MRTFA: variants seen among roughly 807,000 people sequenced by gnomAD.
MRTFA encodes myocardin-related transcription factor A.
In MRTFA, 20 loss-of-function variants were observed where a neutral mutation model predicts 83.5. The ratio of observed to expected loss-of-function variants is 0.24; its 90% CI spans 0.17 to 0.35. The LOEUF (loss-of-function observed/expected upper bound fraction) is 0.35, where lower values mean the gene tolerates loss of function less well. Among genes scored for constraint, MRTFA ranks in the 10% least tolerant of loss-of-function variants. The probability of loss-of-function intolerance (pLI) is 1.00; values close to 1 mark genes in which losing one functional copy is unlikely to be tolerated. For synonymous variants in MRTFA, 659 were observed against 541.2 expected, an observed-to-expected ratio of 1.22 and a Z score of -3.02; for missense variants, 1,200 against 1,224.7, an observed-to-expected ratio of 0.98 and a Z score of 0.30.
chr22:40,485,895 C>T (rs2054167142), intron 3 of MRTFA, among the ~76,000 whole-genome samples: 1 of 152,194 alleles, frequency 6.6e-6, no homozygotes, highest in Non-Finnish European at 1.5e-5. Flanking sequence ...TCTCCCTCAA[C>T]TGGGAAGGAC....
chr22:40,608,311 C>T (rs1021884501), intron 1 of MRTFA, among the ~76,000 whole-genome samples: 6 of 152,150 alleles, frequency 3.9e-5, no homozygotes, highest in Admixed American at 1.3e-4. Flanking sequence ...CCACCATGCC[C>T]GGCCTGTCAT....
chr22:40,525,633 A>C (rs1181764854), intron 3 of MRTFA, among the ~76,000 whole-genome samples: 1 of 152,248 alleles, frequency 6.6e-6, no homozygotes, highest in Non-Finnish European at 1.5e-5. Context: ...AAAATGTTTC[A>C]AGGACACCTA....
intron 14 of MRTFA, among the ~76,000 whole-genome samples, chr22:40,413,463 CT>C (rs1420074507): frequency 6.6e-6 from 1 of 151,978 alleles, no homozygotes; most frequent in Non-Finnish European, 1.5e-5. Context: ...CCTCACCCTC[CT>C]GAGATTACAG....
chr22:40,447,334 C>G lies in MRTFA; in HGVS notation c.308-11780G>C, dbSNP rs187018490. On this transcript the variant is annotated intron_variant, in intron 4 of 14. Coordinates refer to ENST00000355630, the MANE Select transcript of MRTFA (RefSeq NM_020831.6). ...AGCCACTGCTCTCCAGCCTAAGTAA[C>G]AGAGTCTTTGTTTCAAAAAAAAAAA... Among the ~76,000 whole-genome samples, 13 of 146,118 alleles carry G rather than the reference C, an allele frequency of 8.9e-5. No homozygotes were observed. In the East Asian group the frequency reaches 2.4e-3, roughly 27 times the overall value.
intron 3 of MRTFA, among the ~76,000 whole-genome samples, chr22:40,518,399 T>C (rs578008709): frequency 9.5e-5 from 14 of 147,880 alleles, no homozygotes; most frequent in South Asian, 6.5e-4. Flanking sequence ...GGTGACCAGA[T>C]GGTTGGAGAA....
intron 2 of MRTFA, among the ~76,000 whole-genome samples, chr22:40,559,469 G>C (rs1490275996): frequency 1.3e-5 from 2 of 152,116 alleles, no homozygotes; most frequent in Non-Finnish European, 2.9e-5. Context: ...ATCCAAGCTA[G>C]AGTGCAATGG....
At chr22:40,614,234 A>T (rs541477496) in intron 1 of MRTFA, among the ~76,000 whole-genome samples, 49 of 150,434 alleles carry the variant, frequency 3.3e-4, no homozygotes, top group East Asian at 8.1e-4. Flanking sequence ...AATAAATAAA[A>T]AATAAAAAAA....
intron 1 of MRTFA, among the ~76,000 whole-genome samples, chr22:40,608,975 C>G (rs1355089399): frequency 1.3e-5 from 2 of 152,008 alleles, no homozygotes; most frequent in African/African-American, 4.8e-5. Context: ...AAACTGGAAC[C>G]CTTTACGTTG....
intron 1 of MRTFA, among the ~76,000 whole-genome samples, chr22:40,629,104 T>C (rs1393855092): frequency 6.6e-6 from 1 of 151,512 alleles, no homozygotes; most frequent in Non-Finnish European, 1.5e-5. Flanking sequence ...GTCTAGGCAA[T>C]ATAGCAAGAC....
intron 12 of MRTFA, 40 bp from the exon 13 acceptor site, chr22:40,417,533 C>A: frequency 8.4e-7 from 1 of 1,186,474 alleles, no homozygotes; most frequent in South Asian, 1.9e-5. Context: ...GGCCAGGGGG[C>A]TGGGGGTGCA....
intron 1 of MRTFA, among the ~76,000 whole-genome samples, chr22:40,634,540 T>A (rs2056674431): frequency 1.3e-5 from 2 of 152,194 alleles, no homozygotes; most frequent in Non-Finnish European, 2.9e-5. Context: ...GAAGTCTGGA[T>A]TTAGAGTGTA....
chr22:40,438,770 T>C (rs1209903337), intron 4 of MRTFA, among the ~76,000 whole-genome samples: 1 of 151,456 alleles, frequency 6.6e-6, no homozygotes, highest in Non-Finnish European at 1.5e-5. Context: ...GTCACATGTA[T>C]AGAAAAAAAA....
At chr22:40,624,882 A>G (rs1264702974) in intron 1 of MRTFA, among the ~76,000 whole-genome samples, 1 of 152,188 alleles carries the variant, frequency 6.6e-6, no homozygotes, top group Non-Finnish European at 1.5e-5. Context: ...GCTTTCAGGT[A>G]AAGGTCAAAA....
chr22:40,523,173 G>C (rs2054900278), intron 3 of MRTFA, among the ~76,000 whole-genome samples: 1 of 150,266 alleles, frequency 6.7e-6, no homozygotes, highest in Non-Finnish European at 1.5e-5. Flanking sequence ...CTAACACAGA[G>C]AACTATACCA....
At chr22:40,572,477 C>T (rs2055809805) in intron 2 of MRTFA, among the ~76,000 whole-genome samples, 1 of 149,550 alleles carries the variant, frequency 6.7e-6, no homozygotes, top group South Asian at 2.1e-4. Flanking sequence ...CACAATGAAA[C>T]CCTATCTCTT....
intron 1 of MRTFA, among the ~76,000 whole-genome samples, chr22:40,629,566 A>T (rs1297072994): frequency 6.6e-6 from 1 of 151,978 alleles, no homozygotes; most frequent in Admixed American, 6.6e-5. Flanking sequence ...GTTCGAGATC[A>T]GCCTGGCCAA....
intron 4 of MRTFA, among the ~76,000 whole-genome samples, chr22:40,455,645 CAA>C (rs55723146): frequency 0.015 from 1,177 of 77,566 alleles, 20 homozygotes; most frequent in Middle Eastern, 0.11. Context: ...GATGCAGTCT[CAA>C]AAAAAAAAAA....
At chr22:40,540,500 A>T (rs554288618) in intron 3 of MRTFA, among the ~76,000 whole-genome samples, 3 of 152,130 alleles carry the variant, frequency 2.0e-5, no homozygotes, top group African/African-American at 7.2e-5. Context: ...ACGTGGCTTA[A>T]TTCTAGCCAG....
At position 40,411,467 on chromosome 22, in the gene MRTFA, TGCTGAGGGGG is replaced by T; in HGVS notation, c.3009_3018del (p.Leu1005GlnfsTer59). ...GTGGAGAAGAGGCTGGGGGCTGTGG[TGCTGAGGGGG>T]GCTAGGCTCAGCACGGGACCACCTG... On this transcript the variant is annotated frameshift_variant, in exon 15 of 15. Transcript: ENST00000355630. LOFTEE classifies it high-confidence loss of function. The T allele has an allele frequency of 1.2e-6, 2 of 1,604,048 alleles. No homozygotes were observed. Among genetic ancestry groups the T allele is most frequent in the Non-Finnish European group, 1.7e-6 (2 of 1,172,022 alleles).
Sources: allele counts gnomAD v4.1 joint callset (sites outside exome capture counted in the v4.1 genomes callset), GRCh38; gene constraint gnomAD v4.1.1; transcripts MANE v1.5; gene names NCBI Gene and HGNC (gene_info 2026-07-23, HGNC 2026-07-21).